The following DEFB112 variants were observed in gnomAD, a reference collection of about 807,000 sequenced individuals.
The protein encoded by DEFB112 is defensin beta 112.
DEFB112 carries 2 observed loss-of-function variants against 1.1 expected under a neutral mutation model. The observed-to-expected ratio is 1.85, with a 90% CI of 0.76 to 5.83. The LOEUF is 5.83. Ranked by LOEUF, DEFB112 falls within the 30% of genes most tolerant of loss-of-function variation. DEFB112 has a pLI of 0.05. For missense variants in DEFB112, 120 were observed against 94.4 expected, an observed-to-expected ratio of 1.27 and a Z score of -1.12; for synonymous variants, 40 against 31.2, an observed-to-expected ratio of 1.28 and a Z score of -0.93.
Position 50,043,655 on chromosome 6 carries a change from C to T in DEFB112, c.205G>A (p.Asp69Asn). The T allele has an allele frequency of 6.2e-7, 1 of 1,613,510 alleles. No homozygotes were observed. Among genetic ancestry groups the T allele is most frequent in the South Asian group, 1.1e-5 (1 of 91,058 alleles). ...PTTHCCVTEC[D>N]PTDPNNWIPK... ...ATCCAATTATTTGGGTCCGTAGGGT[C>T]ACATTCTGTCACGCAGCAATGAGTT... is the stretch of plus-strand genomic sequence containing the variant. Residue 69 changes from aspartate to asparagine, a missense_variant, in exon 2 of 2, where the codon GAC (aspartate) becomes AAC (asparagine). Physicochemically the swap from Asp to Asn is conservative, Grantham distance 23. Transcript: ENST00000651554.
intron 1 of DEFB112, among the ~76,000 whole-genome samples, chr6:50,049,513 A>T (rs372935677): frequency 1.3e-5 from 2 of 152,112 alleles, no homozygotes; most frequent in South Asian, 4.1e-4. Context: ...AGTGTTGAAT[A>T]AATACACATT....
At chr6:50,048,352 T>A (rs1751584103) in intron 1 of DEFB112, among the ~76,000 whole-genome samples, 1 of 152,154 alleles carries the variant, frequency 6.6e-6, no homozygotes, top group African/African-American at 2.4e-5. Flanking sequence ...TCTACAACCT[T>A]AAAATAAGAT....
intron 1 of DEFB112, among the ~76,000 whole-genome samples, chr6:50,046,394 CTT>C (rs1278544244): frequency 2.0e-5 from 3 of 152,022 alleles, no homozygotes; most frequent in African/African-American, 7.2e-5. Context: ...ATCTAATAAA[CTT>C]TATATGATCA....
Position 50,042,507 on chromosome 6 carries a change from T to A in DEFB112, c.*1068A>T, listed in dbSNP as rs1177060186. ...CTCCCTTTTCTTCATGTGGCCTTAG[T>A]CCACAGGTTGTAAGTCACATAATAA... On this transcript the variant is annotated 3_prime_UTR_variant, in exon 2 of 2. Coordinates refer to ENST00000651554, the MANE Select transcript of DEFB112 (RefSeq NM_001369057.2). Among the ~76,000 whole-genome samples the A allele has an allele frequency of 6.6e-6, 1 of 152,028 alleles. No homozygotes were observed. The highest frequency in any genetic ancestry group is 1.5e-5 in the Non-Finnish European group (1 of 67,952).
chr6:50,047,313 C>T (rs530040973), intron 1 of DEFB112, among the ~76,000 whole-genome samples: 14 of 152,242 alleles, frequency 9.2e-5, no homozygotes, highest in Admixed American at 2.6e-4. Flanking sequence ...GGGGCCTGCT[C>T]GGTGCTGGGT....
chr6:50,044,907 T>C (rs1039646909), intron 1 of DEFB112, among the ~76,000 whole-genome samples: 1 of 151,970 alleles, frequency 6.6e-6, no homozygotes, highest in Non-Finnish European at 1.5e-5. Context: ...TTAAATAAAA[T>C]ACATATATAT....
rs946236925 is a variant in DEFB112 at position 50,042,355 on chromosome 6, GAT to G, written c.*1218_*1219del. ...CTATGTGCCCAGGTACTGTGTACAG[GAT>G]ATGTTTTGGTTATAAGATTAACCCA... On this transcript the variant is annotated 3_prime_UTR_variant, in exon 2 of 2. Coordinates refer to ENST00000651554, the MANE Select transcript of DEFB112 (RefSeq NM_001369057.2). Among the ~76,000 whole-genome samples, 6 of 151,966 alleles carry G rather than the reference GAT, an allele frequency of 3.9e-5. No homozygotes were observed. Among genetic ancestry groups the G allele is most frequent in the Admixed American group, 2.6e-4 (4 of 15,220 alleles).
chr6:50,049,162 G>A (rs1774887853), intron 1 of DEFB112, among the ~76,000 whole-genome samples: 1 of 152,016 alleles, frequency 6.6e-6, no homozygotes, highest in South Asian at 2.1e-4. Context: ...TAGCTAAAAA[G>A]CTATTTATGT....
rs1774753797 is a variant in DEFB112, at chr6:50,042,140, C to T, written c.*1435G>A. Among the ~76,000 whole-genome samples, 3 of 151,954 alleles carry T rather than the reference C, an allele frequency of 2.0e-5. No homozygotes were observed. The highest frequency in any genetic ancestry group is 1.3e-4 in the Admixed American group (2 of 15,212). On this transcript the variant is annotated 3_prime_UTR_variant, in exon 2 of 2. Coordinates refer to ENST00000651554, the MANE Select transcript of DEFB112 (RefSeq NM_001369057.2). ...TTATTCATAATTTTCATCTATCCTA[C>T]CACAGATACATTAAATTATAGTATA...
rs535068826 is a variant in DEFB112, at chr6:50,042,136, C to T, written c.*1439G>A. Among the ~76,000 whole-genome samples, 1 of 151,922 alleles carries T rather than the reference C, an allele frequency of 6.6e-6. No homozygotes were observed. Among genetic ancestry groups the T allele is most frequent in the Non-Finnish European group, 1.5e-5 (1 of 67,944 alleles). On this transcript the variant is annotated 3_prime_UTR_variant, in exon 2 of 2. Coordinates refer to ENST00000651554, the MANE Select transcript of DEFB112 (RefSeq NM_001369057.2). The stretch of plus-strand genomic sequence containing the variant: ...AGCTTTATTCATAATTTTCATCTAT[C>T]CTACCACAGATACATTAAATTATAG...
chr6:50,046,585 C>T (rs1774838452), intron 1 of DEFB112, among the ~76,000 whole-genome samples: 1 of 152,016 alleles, frequency 6.6e-6, no homozygotes, highest in African/African-American at 2.4e-5. Flanking sequence ...TGAGGATGAG[C>T]ACTTTAAAGA....
At chr6:50,043,869 A>T (rs1346186638) in intron 1 of DEFB112, 68 bp from the exon 2 acceptor site, 1 of 1,307,602 alleles carries the variant, frequency 7.6e-7, no homozygotes, top group African/African-American at 1.5e-5. Flanking sequence ...AAAAGAAGAC[A>T]TGGGAGTAAT....
Position 50,042,838 on chromosome 6 carries a change from T to A in DEFB112, c.*737A>T, listed in dbSNP as rs920970576. Among the ~76,000 whole-genome samples the A allele has an allele frequency of 6.6e-6, 1 of 151,994 alleles. No homozygotes were observed. Among genetic ancestry groups the A allele is most frequent in the Admixed American group, 6.6e-5 (1 of 15,228 alleles). ...TATATAATTCTGTTACATTATTTTT[T>A]AAAAACTTAAAATTTACTAAGACAC... On this transcript the variant is annotated 3_prime_UTR_variant, in exon 2 of 2. Coordinates refer to ENST00000651554, the MANE Select transcript of DEFB112 (RefSeq NM_001369057.2).
In DEFB112 at chr6:50,046,221, CTGTGTGTG is replaced by C. The variant is rs3057286; in HGVS notation, c.59-2428_59-2421del. On this transcript the variant is annotated intron_variant, in intron 1 of 1. Transcript: ENST00000651554. ...TAATTCCATCATGAATTGAGGAGCA[CTGTGTGTG>C]TGTGTGTGTGTGTGTGTGTGTGTGT... 7.5e-3 allele frequency among the ~76,000 whole-genome samples: 1,054 copies of C among 141,270 alleles called. 14 individuals are homozygous for C. Among genetic ancestry groups the C allele is most frequent in the African/African-American group, 0.022 (837 of 38,250 alleles). 92.7% of individuals were successfully genotyped at this position (141,270 alleles called of 152,430 possible). A position where few individuals can be genotyped will look rare whatever the true frequency, so the allele number is the denominator to read the frequency against.
At chr6:50,043,825 G>C in intron 1 of DEFB112, 24 bp from the exon 2 acceptor site, 1 of 1,601,100 alleles carries the variant, frequency 6.2e-7, no homozygotes, top group African/African-American at 1.3e-5. Flanking sequence ...AGAACAGCTG[G>C]AATTAGTAAT....
At chr6:50,045,863 G>C (rs758643251) in intron 1 of DEFB112, among the ~76,000 whole-genome samples, 1 of 152,086 alleles carries the variant, frequency 6.6e-6, no homozygotes, top group Non-Finnish European at 1.5e-5. Context: ...TGTTTATACT[G>C]ATAGTCCCCG....
intron 1 of DEFB112, chr6:50,048,478 T>G: frequency 7.0e-7 from 1 of 1,423,870 alleles, no homozygotes; most frequent in Non-Finnish European, 9.9e-7. Flanking sequence ...TTTACTTCAT[T>G]TCAGTCAAAA....
chr6:50,042,967 G>A lies in DEFB112; in HGVS notation c.*608C>T, dbSNP rs562682632. Reference sequence around the variant, plus strand: ...AAGTTAATCATAATTTCACATTATCGTTATTGCCACAAGCTACAGGGATTT... The same window carrying A: ...AAGTTAATCATAATTTCACATTATCATTATTGCCACAAGCTACAGGGATTT... On this transcript the variant is annotated 3_prime_UTR_variant, in exon 2 of 2. Coordinates refer to ENST00000651554, the MANE Select transcript of DEFB112 (RefSeq NM_001369057.2). Among the ~76,000 whole-genome samples, 123 of 152,002 alleles carry A rather than the reference G, an allele frequency of 8.1e-4. No individual in the cohort carries two copies. The highest frequency in any genetic ancestry group is 2.8e-3 in the African/African-American group (115 of 41,500).
chr6:50,043,724 A>G lies in DEFB112; in HGVS notation c.136T>C (p.Cys46Arg), dbSNP rs1488435833. Residue 46 changes from cysteine to arginine, a missense_variant, in exon 2 of 2, where the codon TGT becomes CGT. By Grantham distance (180) the Cys-to-Arg change is radical (BLOSUM62 -3). Transcript: ENST00000651554. ...GAAATCCTAAATTCACTATCATCAC[A>G]TTGATTTTTACATCGACCTCCAATC... ...TAIGGRCKNQ[C>R]DDSEFRISYC... 1 of 1,613,510 alleles carries G rather than the reference A, an allele frequency of 6.2e-7. No individual in the cohort carries two copies. Among genetic ancestry groups the G allele is most frequent in the East Asian group, 2.2e-5 (1 of 44,824 alleles).
Sources: allele counts gnomAD v4.1 joint callset (sites outside exome capture counted in the v4.1 genomes callset), GRCh38; gene constraint gnomAD v4.1.1; transcripts MANE v1.5; gene names NCBI Gene and HGNC (gene_info 2026-07-23, HGNC 2026-07-21).